The following LTBP4 variants were observed in gnomAD, a reference collection of about 807,000 sequenced individuals.
LTBP4 encodes latent transforming growth factor beta binding protein 4.
A neutral mutation model predicts 180.2 loss-of-function variants in LTBP4; 93 were observed. The ratio of observed to expected loss-of-function variants is 0.52; its 90% CI spans 0.44 to 0.61. The LOEUF (loss-of-function observed/expected upper bound fraction) is 0.61, where lower values mean the gene tolerates loss of function less well. Among genes scored for constraint, LTBP4 ranks in the 20% least tolerant of loss-of-function variants. LTBP4 has a pLI of 0.00. For synonymous variants in LTBP4, 947 were observed against 934.5 expected, an observed-to-expected ratio of 1.01 and a Z score of -0.24; for missense variants, 2,116 against 2,256.5, an observed-to-expected ratio of 0.94 and a Z score of 1.26.
Position 40,609,758 on chromosome 19 carries a change from GT to G in LTBP4, c.1572del (p.Arg525AlafsTer219). 1 of 1,612,122 alleles carries G rather than the reference GT, an allele frequency of 6.2e-7. No individual in the cohort carries two copies. The highest frequency in any genetic ancestry group is 8.5e-7 in the Non-Finnish European group (1 of 1,178,930). ...TCCGTGTCCTCAGATGTGGACGAAT[GT>G]CGCCGCGTGCCCCCGCCCTGTGCTC... ...QGTRCIDVDE[C>X]RRVPPPCAPG... is the part of the protein sequence containing the mutation. On this transcript the variant is annotated frameshift_variant, in exon 11 of 30. Coordinates refer to ENST00000396819, the MANE Select transcript of LTBP4 (RefSeq NM_001042545.2). LOFTEE classifies it high-confidence loss of function. This position sits in a 1 kb window ranked among gnomAD's most constrained non-coding sequence, Gnocchi z 4.9.
In LTBP4 at chr19:40,622,563, A is replaced by C; in HGVS notation, c.3380A>C (p.Asp1127Ala). Reference protein sequence around the residue: ...YFDTAAPDACDNILARNVTWQ... With the variant: ...YFDTAAPDACANILARNVTWQ... Reference sequence around the variant, plus strand: ...GACACAGCGGCCCCGGATGCATGTGACAACATCCTGGCTCGGAATGTGACA... The same window carrying C: ...GACACAGCGGCCCCGGATGCATGTGCCAACATCCTGGCTCGGAATGTGACA... Residue 1127 changes from aspartate (D) to alanine (A), a missense_variant, in exon 23 of 30, where the codon GAC becomes GCC. By Grantham distance (126) the Asp-to-Ala change is moderately radical (BLOSUM62 -2). Coordinates refer to ENST00000396819, the MANE Select transcript of LTBP4 (RefSeq NM_001042545.2). The surrounding 1 kb of genome is among the most constrained non-coding windows in gnomAD (Gnocchi z 5.1). The C allele has an allele frequency of 6.2e-7, 1 of 1,613,880 alleles. No homozygotes were observed. Among genetic ancestry groups the C allele is most frequent in the African/African-American group, 1.3e-5 (1 of 75,028 alleles).
upstream of LTBP4, chr19:40,597,121 G>C (rs1034664551): frequency 4.3e-5 from 45 of 1,039,148 alleles, no homozygotes; most frequent in Non-Finnish European, 5.6e-5. Context: ...CTGGACTGTG[G>C]AGAAAGTGAG....
At chr19:40,626,890 C>T in intron 27 of LTBP4, 85 bp from the exon 28 acceptor site, 2 of 1,438,212 alleles carry the variant, frequency 1.4e-6, no homozygotes. Context: ...ATCCAGTCCT[C>T]TGCCTCCTCT....
chr19:40,599,135 C>A, upstream of LTBP4: 1 of 1,490,592 alleles, frequency 6.7e-7, no homozygotes, highest in Non-Finnish European at 9.2e-7. Context: ...TCCCCGATTG[C>A]CCTCCTTTGC....
rs2081623878 is a variant in LTBP4, at chr19:40,625,303, TATATATA to T, written c.3833-553_3833-547del. On this transcript the variant is annotated intron_variant, in intron 26 of 29. Coordinates refer to ENST00000396819, the MANE Select transcript of LTBP4 (RefSeq NM_001042545.2). ...ATATATATATATATATATATATATA[TATATATA>T]TATATATTTTTTTTTTTAAAGATGG... 3.8e-4 allele frequency among the ~76,000 whole-genome samples: 8 copies of T among 20,836 alleles called. 2 individuals are homozygous for T. The highest frequency in any genetic ancestry group is 5.9e-4 in the Non-Finnish European group (8 of 13,528). The allele number at this position is 20,836 out of a possible 152,430, so 13.7% of individuals were successfully genotyped here.
Position 40,622,851 on chromosome 19 carries a change from G to A in LTBP4, c.3485-99G>A. On this transcript the variant is annotated intron_variant, in intron 23 of 29. Coordinates refer to ENST00000396819, the MANE Select transcript of LTBP4 (RefSeq NM_001042545.2). The surrounding 1 kb of genome is among the most constrained non-coding windows in gnomAD (Gnocchi z 5.1). The stretch of plus-strand genomic sequence containing the variant: ...AAGGCTGAGAGGTGGGCACTAACAG[G>A]CACAGGGCCAGAGGGACTTTTGTGA... 1 of 1,414,726 alleles carries A rather than the reference G, an allele frequency of 7.1e-7. No homozygotes were observed. Among genetic ancestry groups the A allele is most frequent in the Non-Finnish European group, 9.7e-7 (1 of 1,034,360 alleles). 87.6% of individuals were successfully genotyped at this position (1,414,726 alleles called of 1,614,324 possible). A position where few individuals can be genotyped will look rare whatever the true frequency, so the allele number is the denominator to read the frequency against.
rs1270977661 is a variant in LTBP4 at position 40,629,096 on chromosome 19, G to A, written c.4520-300G>A. ...AACTCCGGCCTCAAGTGATCCACCC[G>A]CCTCAGCCTCCCAAAGTGCTGAGAT... On this transcript the variant is annotated intron_variant, in intron 29 of 29. Coordinates refer to ENST00000396819, the MANE Select transcript of LTBP4 (RefSeq NM_001042545.2). The surrounding 1 kb of genome is among the most constrained non-coding windows in gnomAD (Gnocchi z 4.5). Among the ~76,000 whole-genome samples the A allele has an allele frequency of 2.0e-5, 3 of 152,028 alleles. No individual in the cohort carries two copies. The highest frequency in any genetic ancestry group is 2.1e-4 in the South Asian group (1 of 4,826).
intron 11 of LTBP4, chr19:40,610,113 T>G: frequency 1.8e-6 from 1 of 546,552 alleles, no homozygotes; most frequent in Non-Finnish European, 3.1e-6. Context: ...GCAACTCGTA[T>G]TGCTCCGCCC....
intron 21 of LTBP4, 98 bp downstream of exon 21, chr19:40,617,323 G>A (rs2081557535): frequency 1.5e-5 from 22 of 1,452,232 alleles, no homozygotes; most frequent in Admixed American, 2.4e-5. Flanking sequence ...GAATTTTCGG[G>A]TTGTGGAATT....
chr19:40,625,299 TATATATATATATATATA>T (rs1568414563), intron 26 of LTBP4, among the ~76,000 whole-genome samples: 36 of 22,364 alleles, frequency 1.6e-3, no homozygotes, highest in East Asian at 3.5e-3. Flanking sequence ...TATATATATA[TATATATATATATATATA>T]TTTTTTTTTT....
intron 27 of LTBP4, 50 bp downstream of exon 27, chr19:40,626,059 C>T (rs764353724): frequency 2.3e-5 from 35 of 1,517,450 alleles, no homozygotes; most frequent in Non-Finnish European, 3.0e-5. Context: ...CCATGGGCTC[C>T]AAATCTAGGC....
In LTBP4 at chr19:40,625,275, TATATATATATATATATATA is replaced by T. The variant is rs2081618682; in HGVS notation, c.3833-581_3833-563del. Reference sequence around the variant, plus strand: ...ATTTATATATATATATATATATATATATATATATATATATATATATATATATATATATATATATATATTT... The same window carrying T: ...ATTTATATATATATATATATATATATTATATATATATATATATATATATTT... On this transcript the variant is annotated intron_variant, in intron 26 of 29. Transcript: ENST00000396819. Among the ~76,000 whole-genome samples, 3 of 12,372 alleles carry T rather than the reference TATATATATATATATATATA, an allele frequency of 2.4e-4. 1 individual carries two copies. The highest frequency in any genetic ancestry group is 7.4e-4 in the African/African-American group (1 of 1,358). 8.1% of individuals were successfully genotyped at this position (12,372 alleles called of 152,430 possible).
chr19:40,600,237 G>C, upstream of LTBP4: 1 of 1,035,044 alleles, frequency 9.7e-7, no homozygotes, highest in Non-Finnish European at 1.3e-6. This position sits in a 1 kb window ranked among gnomAD's most constrained non-coding sequence, Gnocchi z 4.4. Context: ...AGATAAAGCC[G>C]TCTGGTTCCC....
At position 40,622,552 on chromosome 19, in the gene LTBP4, G is replaced by A. The variant is rs200769661; in HGVS notation, c.3369G>A (p.Pro1123=). The A allele has an allele frequency of 1.5e-4, 250 of 1,613,788 alleles. No homozygotes were observed. The highest frequency in any genetic ancestry group is 2.0e-4 in the Non-Finnish European group (234 of 1,179,888). Residue 1123 remains proline, a synonymous_variant, in exon 23 of 30, where the codon CCG becomes CCA. Transcript: ENST00000396819. The surrounding 1 kb of genome is among the most constrained non-coding windows in gnomAD (Gnocchi z 5.1). ...AGTGCTACTTTGACACAGCGGCCCC[G>A]GATGCATGTGACAACATCCTGGCTC... is the stretch of plus-strand genomic sequence containing the variant. ...RRECYFDTAA[P]DACDNILARN... is the part of the protein sequence containing the mutation.
chr19:40,609,203 C>T lies in LTBP4; in HGVS notation c.1427-327C>T, dbSNP rs2081486641. ...CACCTAGTAAGTGCTCAGATAAATACTTATGGTAGATAATTATTTTTCATT... is the reference window on the plus strand; with the variant it reads ...CACCTAGTAAGTGCTCAGATAAATATTTATGGTAGATAATTATTTTTCATT... On this transcript the variant is annotated intron_variant, in intron 9 of 29. Transcript: ENST00000396819. This position sits in a 1 kb window ranked among gnomAD's most constrained non-coding sequence, Gnocchi z 4.9. Among the ~76,000 whole-genome samples, 1 of 152,060 alleles carries T rather than the reference C, an allele frequency of 6.6e-6. No individual in the cohort carries two copies. The highest frequency in any genetic ancestry group is 1.5e-5 in the Non-Finnish European group (1 of 68,024).
At position 40,617,376 on chromosome 19, in the gene LTBP4, G is replaced by A. The variant is rs148069884; in HGVS notation, c.3070+151G>A. The A allele has an allele frequency of 3.2e-3, 2,191 of 688,876 alleles. 41 individuals carry two copies. In the African/African-American group the frequency reaches 0.038, roughly 12 times the overall value. The allele number at this position is 688,876 out of a possible 1,614,324, so 42.7% of individuals were successfully genotyped here. A position where few individuals can be genotyped will look rare whatever the true frequency, so the allele number is the denominator to read the frequency against. On this transcript the variant is annotated intron_variant, in intron 21 of 29. Transcript: ENST00000396819. ...GATCATCTTCATGCCAGGCACGGTG[G>A]CTCACGCCTGTAATCCCAGTACTTT...
Position 40,613,328 on chromosome 19 carries a change from G to T in LTBP4, c.2432-76G>T. The T allele has an allele frequency of 6.4e-7, 1 of 1,557,476 alleles. No homozygotes were observed. The highest frequency in any genetic ancestry group is 8.7e-7 in the Non-Finnish European group (1 of 1,151,700). On this transcript the variant is annotated intron_variant, in intron 16 of 29. Transcript: ENST00000396819. The surrounding 1 kb of genome is among the most constrained non-coding windows in gnomAD (Gnocchi z 5.0). Reference sequence around the variant, plus strand: ...TAGAAACCTGGCATTGGTGGGGGCGGGGTTACTGCGATGTGGGCGGAGCTT... The same window carrying T: ...TAGAAACCTGGCATTGGTGGGGGCGTGGTTACTGCGATGTGGGCGGAGCTT...
Position 40,611,719 on chromosome 19 carries a change from G to A in LTBP4, c.2054-140G>A, listed in dbSNP as rs549500159. 54 of 1,315,324 alleles carry A rather than the reference G, an allele frequency of 4.1e-5. No individual in the cohort carries two copies. The African/African-American group carries it at 5.3e-4, about 13-fold the overall frequency. The allele number at this position is 1,315,324 out of a possible 1,614,324, so 81.5% of individuals were successfully genotyped here. On this transcript the variant is annotated intron_variant, in intron 13 of 29. Transcript: ENST00000396819. The surrounding 1 kb of genome is among the most constrained non-coding windows in gnomAD (Gnocchi z 4.4). ...CATTGAATGGGGACACGAGGAAGGT[G>A]TCTGTCTTCCTGGGAAGAGGGAGCA...
At chr19:40,627,673 C>T (rs1225519598) in intron 28 of LTBP4, 32 bp from the exon 29 acceptor site, 1 of 1,564,244 alleles carries the variant, frequency 6.4e-7, no homozygotes, top group Non-Finnish European at 8.6e-7. Context: ...AGGCAGGGAC[C>T]TCAAGTCATA....
Sources: allele counts gnomAD v4.1 joint callset (sites outside exome capture counted in the v4.1 genomes callset), GRCh38; gene constraint gnomAD v4.1.1; non-coding constraint Gnocchi (gnomAD v3.1); transcripts MANE v1.5; gene names NCBI Gene and HGNC (gene_info 2026-07-23, HGNC 2026-07-21).